Variants in TENM2 observed in about 807,000 individuals in gnomAD.
TENM2 encodes the protein teneurin transmembrane protein 2.
Under a neutral mutation model 245.2 loss-of-function variants are expected in TENM2, and 52 were observed. The observed-to-expected ratio is 0.21, with a 90% confidence interval of 0.17 to 0.27. The LOEUF (loss-of-function observed/expected upper bound fraction) is 0.27. Ranked by LOEUF, TENM2 falls within the 10% of genes least tolerant of loss-of-function variation. The probability of loss-of-function intolerance (pLI) is 1.00; values close to 1 mark genes in which losing one functional copy is unlikely to be tolerated. For synonymous variants in TENM2, 1,363 were observed against 1,438.9 expected (o/e 0.95, Z 1.19); for missense variants, 3,046 against 3,666.8 (o/e 0.83, Z 4.37).
chr5:167,818,206 C>G (rs942570778), intron 2 of TENM2, among the ~76,000 whole-genome samples: 8 of 152,102 alleles, frequency 5.3e-5, no homozygotes, highest in Non-Finnish European at 1.2e-4. Context: ...TTTTTATACT[C>G]TTGTTTAGTT....
At chr5:167,044,529 C>A in the TENM2 span, among the ~76,000 whole-genome samples, 95,351 of 151,984 alleles carry the variant, frequency 0.63, 31,988 homozygotes, top group African/African-American at 0.88. Context: ...ATCAGGGTGT[C>A]CAATGTTGTT....
At chr5:167,144,090 T>C in the TENM2 span, among the ~76,000 whole-genome samples, 2 of 152,208 alleles carry the variant, frequency 1.3e-5, no homozygotes, top group Non-Finnish European at 2.9e-5. Flanking sequence ...TTATTCATAC[T>C]TAAAATAAAA....
chr5:167,561,182 T>C (rs557952192), intron 2 of TENM2, among the ~76,000 whole-genome samples: 2 of 152,230 alleles, frequency 1.3e-5, no homozygotes, highest in African/African-American at 2.4e-5. Context: ...TCATTTCCTT[T>C]GGTACAGAAT....
At chr5:167,761,446 C>T (rs555157225) in intron 2 of TENM2, among the ~76,000 whole-genome samples, 1 of 152,020 alleles carries the variant, frequency 6.6e-6, no homozygotes, top group South Asian at 2.1e-4. Flanking sequence ...ATTCTTCAAC[C>T]TCTAAAAAAG....
chr5:167,373,256 A>G (rs929120152), intron 1 of TENM2, among the ~76,000 whole-genome samples: 1 of 152,246 alleles, frequency 6.6e-6, no homozygotes, highest in East Asian at 1.9e-4. Context: ...ATTACAAATT[A>G]AAGTCCCACT....
At chr5:166,980,549 G>T in the TENM2 span, among the ~76,000 whole-genome samples, 1 of 152,084 alleles carries the variant, frequency 6.6e-6, no homozygotes, top group South Asian at 2.1e-4. Context: ...GAGGGTTCTT[G>T]ATCATTACCA....
intron 3 of TENM2, among the ~76,000 whole-genome samples, chr5:167,929,064 A>AGAAG (rs1491297316): frequency 4.8e-3 from 10 of 2,074 alleles, no homozygotes; most frequent in Non-Finnish European, 3.6e-3. Flanking sequence ...AAAGAGAGAA[A>AGAAG]GAAAGAAAGA....
chr5:167,572,588 C>T (rs557532972), intron 2 of TENM2, among the ~76,000 whole-genome samples: 1 of 152,156 alleles, frequency 6.6e-6, no homozygotes, highest in South Asian at 2.1e-4. Flanking sequence ...TAACTTATAC[C>T]AAATAGTTGA....
chr5:167,808,156 C>T lies in TENM2; in HGVS notation c.503-67830C>T, dbSNP rs147826072. Among the ~76,000 whole-genome samples, 13 of 152,266 alleles carry T rather than the reference C, an allele frequency of 8.5e-5. No homozygotes were observed. In the East Asian group the frequency reaches 1.2e-3, roughly 14 times the overall value. ...ACCATTTACTTTTTCATTACACTTA[C>T]GTTACTAGTTGGGCCTCGAGGAAGC... On this transcript the variant is annotated intron_variant, in intron 2 of 28. Transcript: ENST00000518659.
intron 7 of TENM2, among the ~76,000 whole-genome samples, chr5:168,062,754 T>G (rs1407049890): frequency 6.6e-6 from 1 of 152,100 alleles, no homozygotes; most frequent in Admixed American, 6.6e-5. Flanking sequence ...CTATGCAAAG[T>G]GAAAGAAGCC....
intron 2 of TENM2, chr5:167,754,876 G>T: frequency 1.4e-6 from 1 of 737,320 alleles, no homozygotes; most frequent in East Asian, 3.1e-5. Flanking sequence ...ACCTCATGCT[G>T]AGGCTGTCTA....
At chr5:167,005,523 C>T in the TENM2 span, among the ~76,000 whole-genome samples, 1 of 151,742 alleles carries the variant, frequency 6.6e-6, no homozygotes, top group African/African-American at 2.4e-5. Context: ...ATAATGCGTA[C>T]TATACTGAAC....
rs987673777 is a variant in TENM2 at position 168,244,182 on chromosome 5, C to G, written c.5521-238C>G. On this transcript the variant is annotated intron_variant, in intron 25 of 28. Coordinates refer to ENST00000518659, the Ensembl canonical transcript of TENM2. The surrounding 1 kb of genome is among the most constrained non-coding windows in gnomAD (Gnocchi z 4.9). The stretch of plus-strand genomic sequence containing the variant: ...GAACTCCCGACCTCAGGTGATCCAC[C>G]CACTTCAGCCTCCCACAGTGCTAGG... 2.0e-5 allele frequency among the ~76,000 whole-genome samples: 3 copies of G among 152,130 alleles called. No homozygotes were observed. The highest frequency in any genetic ancestry group is 7.2e-5 in the African/African-American group (3 of 41,426).
chr5:167,158,846 C>CCCTTCCTTCCTTCCTTCCTT, the TENM2 span, among the ~76,000 whole-genome samples: 79 of 86,052 alleles, frequency 9.2e-4, 1 homozygote, highest in South Asian at 1.5e-3. Flanking sequence ...TCCATAGCAG[C>CCCTTCCTTCCTTCCTTCCTT]CCTTCCTTCC....
intron 12 of TENM2, among the ~76,000 whole-genome samples, chr5:168,153,248 G>T (rs1462450271): frequency 6.6e-6 from 1 of 152,162 alleles, no homozygotes; most frequent in Non-Finnish European, 1.5e-5. Context: ...TGATGTCTGG[G>T]TCGCTTCCTC....
chr5:167,558,990 C>T (rs779605861), intron 2 of TENM2, among the ~76,000 whole-genome samples: 1 of 152,100 alleles, frequency 6.6e-6, no homozygotes, highest in Non-Finnish European at 1.5e-5. Flanking sequence ...CTCAGCTAGC[C>T]CCTGAGGACA....
At chr5:167,805,889 G>A (rs1447021872) in intron 2 of TENM2, among the ~76,000 whole-genome samples, 1 of 152,070 alleles carries the variant, frequency 6.6e-6, no homozygotes, top group Non-Finnish European at 1.5e-5. Context: ...GTCCTGGGGG[G>A]ACTAGATGGC....
At chr5:167,984,933 C>G (rs1783126078) in intron 4 of TENM2, among the ~76,000 whole-genome samples, 1 of 152,110 alleles carries the variant, frequency 6.6e-6, no homozygotes, top group Non-Finnish European at 1.5e-5. Context: ...AGCACCATTC[C>G]TTTTCATATC....
intron 3 of TENM2, among the ~76,000 whole-genome samples, chr5:167,923,434 G>A (rs555554282): frequency 6.6e-6 from 1 of 152,234 alleles, no homozygotes; most frequent in Non-Finnish European, 1.5e-5. Context: ...AGCCTTGTTT[G>A]CATCTGAATA....
Sources: gnomAD v4.1 joint callset for allele counts (sites outside exome capture counted in the v4.1 genomes callset) on GRCh38, gnomAD v4.1.1 for gene constraint, Gnocchi (gnomAD v3.1) non-coding constraint, MANE v1.5 for transcripts, NCBI Gene and HGNC (gene_info 2026-07-23, HGNC 2026-07-21) for gene names.